Variants in DENND5B observed in about 807,000 individuals in gnomAD.
DENND5B encodes the protein DENN domain containing 5B.
In DENND5B, 34 loss-of-function variants were observed where a neutral mutation model predicts 140.6. That is an observed-to-expected ratio of 0.24 (90% CI 0.18 to 0.32). The LOEUF (loss-of-function observed/expected upper bound fraction) is 0.32. Ranked by LOEUF, DENND5B falls within the 10% of genes least tolerant of loss-of-function variation. DENND5B has a pLI of 1.00. For missense variants in DENND5B, 1,142 were observed against 1,560.2 expected (o/e 0.73, Z 4.52); for synonymous variants, 551 against 562.1 (o/e 0.98, Z 0.28).
intron 5 of DENND5B, among the ~76,000 whole-genome samples, chr12:31,449,731 G>GTTTTGTT (rs1555149742): frequency 1.1e-5 from 1 of 89,970 alleles, no homozygotes; most frequent in Non-Finnish European, 2.1e-5. Flanking sequence ...ACACAGATTA[G>GTTTTGTT]TTTTTTTTTT....
At chr12:31,415,249 T>C in intron 12 of DENND5B, 118 bp downstream of exon 12, 1 of 703,942 alleles carries the variant, frequency 1.4e-6, no homozygotes. Flanking sequence ...AAATGCTTTC[T>C]TCAGAATACA....
rs774928242 is a variant in DENND5B at position 31,398,286 on chromosome 12, T to C, written c.3145A>G (p.Thr1049Ala). 9.9e-5 allele frequency: 155 copies of C among 1,562,662 alleles called. No individual in the cohort carries two copies. Among genetic ancestry groups the C allele is most frequent in the Non-Finnish European group, 1.3e-4 (148 of 1,152,830 alleles). The change falls in exon 17 of 21, where the codon ACA becomes GCA. Residue 1049 changes from threonine to alanine, a missense_variant. This residue lies in a region of DENND5B where 268 missense variants were observed against 349.2 expected (regional missense o/e 0.77). Coordinates refer to ENST00000389082, the MANE Select transcript of DENND5B (RefSeq NM_144973.4). ...LERILIGELM[T>A]SASDEDLVKQ... The stretch of plus-strand genomic sequence containing the variant: ...ACTAGATCTTCATCTGATGCTGATG[T>C]CATCAACTCTCCAATAAGAATTCTC...
chr12:31,417,356 C>CAAAAAAA (rs767142927), intron 11 of DENND5B, among the ~76,000 whole-genome samples: 1 of 40,116 alleles, frequency 2.5e-5, no homozygotes, highest in Admixed American at 2.5e-4. Flanking sequence ...GACTCTGTCT[C>CAAAAAAA]AAAAAAAAAA....
chr12:31,574,233 A>G (rs185246111), intron 1 of DENND5B, among the ~76,000 whole-genome samples: 1 of 150,024 alleles, frequency 6.7e-6, no homozygotes, highest in African/African-American at 2.4e-5. Context: ...ACTGCACTCC[A>G]GCATGGGTGA....
rs555611002 is a variant in DENND5B, at chr12:31,556,786, G to A, written c.127+33920C>T. On this transcript the variant is annotated intron_variant, in intron 1 of 20. Transcript: ENST00000389082. Reference sequence around the variant, plus strand: ...CACACTGAAGTGTAAAAATACTGCCGAACTGTTTATATTCCTTCAAGAATA... The same window carrying A: ...CACACTGAAGTGTAAAAATACTGCCAAACTGTTTATATTCCTTCAAGAATA... Among the ~76,000 whole-genome samples, 184 of 152,110 alleles carry A rather than the reference G, an allele frequency of 1.2e-3. 1 individual carries two copies. Among genetic ancestry groups the A allele is most frequent in the Non-Finnish European group, 1.7e-3 (115 of 67,998 alleles).
chr12:31,552,946 T>C (rs929087446), intron 1 of DENND5B, among the ~76,000 whole-genome samples: 3 of 152,154 alleles, frequency 2.0e-5, no homozygotes, highest in Non-Finnish European at 4.4e-5. Context: ...GCCTATTTGA[T>C]TCTTCTTTTC....
At chr12:31,565,421 T>C (rs1024503810) in intron 1 of DENND5B, among the ~76,000 whole-genome samples, 2 of 152,204 alleles carry the variant, frequency 1.3e-5, no homozygotes, top group African/African-American at 4.8e-5. Context: ...TGAGTCCTGT[T>C]AAGCAATTTA....
At chr12:31,402,665 T>G in intron 14 of DENND5B, 22 bp from the exon 15 acceptor site, 1 of 1,581,326 alleles carries the variant, frequency 6.3e-7, no homozygotes, top group Non-Finnish European at 8.6e-7. Context: ...ATGCAGAAAT[T>G]AATTAAAAAG....
At chr12:31,470,075 G>A (rs1252075861) in intron 3 of DENND5B, among the ~76,000 whole-genome samples, 2 of 147,814 alleles carry the variant, frequency 1.4e-5, no homozygotes, top group Non-Finnish European at 3.0e-5. Flanking sequence ...AGCCTCCCAA[G>A]TAGCTGGGAC....
At chr12:31,392,221 G>A in intron 19 of DENND5B, 46 bp downstream of exon 19, 1 of 1,604,148 alleles carries the variant, frequency 6.2e-7, no homozygotes, top group East Asian at 2.2e-5. Context: ...GAGTTCCTAA[G>A]AAAGGCTTCA....
At chr12:31,577,862 G>A (rs1038447303) in intron 1 of DENND5B, among the ~76,000 whole-genome samples, 10 of 151,720 alleles carry the variant, frequency 6.6e-5, no homozygotes, top group African/African-American at 1.9e-4. Flanking sequence ...AGTGGCTCAC[G>A]CCTGTAAACC....
chr12:31,517,910 C>CTA (rs551108154), intron 1 of DENND5B, among the ~76,000 whole-genome samples: 317 of 152,316 alleles, frequency 2.1e-3, no homozygotes, highest in Admixed American at 6.1e-3. Flanking sequence ...CTAACCCTTC[C>CTA]TATAACTTGT....
intron 3 of DENND5B, among the ~76,000 whole-genome samples, chr12:31,469,748 T>C (rs116193136): frequency 0.012 from 1,901 of 152,242 alleles, 39 homozygotes; most frequent in African/African-American, 0.043. Flanking sequence ...ATTCTCATGG[T>C]TGTGAGTGAG....
intron 3 of DENND5B, among the ~76,000 whole-genome samples, chr12:31,462,300 TA>T (rs886472213): frequency 7.2e-6 from 1 of 139,544 alleles, no homozygotes; most frequent in Non-Finnish European, 1.5e-5. Flanking sequence ...TCTGCTAGGA[TA>T]ATCAGGCAGA....
chr12:31,502,728 G>C (rs2138841437), intron 1 of DENND5B, among the ~76,000 whole-genome samples: 1 of 152,276 alleles, frequency 6.6e-6, no homozygotes, highest in South Asian at 2.1e-4. Context: ...TCTACGCTGG[G>C]GGGCTACTTA....
chr12:31,590,484 G>T, intron 1 of DENND5B: 1 of 478,054 alleles, frequency 2.1e-6, no homozygotes, highest in African/African-American at 2.1e-5. Context: ...ATAACCCAGC[G>T]CCTGGAGGCG....
At chr12:31,482,576 T>TC (rs1445894007) in intron 2 of DENND5B, among the ~76,000 whole-genome samples, 3 of 152,032 alleles carry the variant, frequency 2.0e-5, no homozygotes, top group Non-Finnish European at 4.4e-5. Flanking sequence ...TGCTGTTGCT[T>TC]CTTTTTTTTT....
At chr12:31,537,506 C>T (rs1046391482) in intron 1 of DENND5B, among the ~76,000 whole-genome samples, 2 of 151,818 alleles carry the variant, frequency 1.3e-5, no homozygotes. Context: ...TAAAATCATA[C>T]CACCAGAGAA....
intron 1 of DENND5B, among the ~76,000 whole-genome samples, chr12:31,505,304 T>A (rs1947157244): frequency 6.6e-6 from 1 of 150,792 alleles, no homozygotes; most frequent in African/African-American, 2.4e-5. Context: ...GACGTTGAGA[T>A]CTTGGCTCAC....
Sources: allele counts gnomAD v4.1 joint callset (sites outside exome capture counted in the v4.1 genomes callset), GRCh38; gene constraint gnomAD v4.1.1; regional missense constraint gnomAD v4.1.1; transcripts MANE v1.5; gene names NCBI Gene and HGNC (gene_info 2026-07-23, HGNC 2026-07-21).